Variants in ACOXL observed in about 807,000 individuals in gnomAD.
ACOXL encodes acyl-CoA oxidase like, also known as acyl-coenzyme A oxidase-like protein.
A neutral mutation model predicts 71.9 loss-of-function variants in ACOXL; 70 were observed. That is an observed-to-expected ratio of 0.97 (90% CI 0.80 to 1.19). ACOXL has a LOEUF of 1.19. Ranked by LOEUF, ACOXL falls within the 50% of genes most tolerant of loss-of-function variation. The pLI is 0.00. For missense variants in ACOXL, 703 were observed against 736.3 expected (o/e 0.95, Z 0.52); for synonymous variants, 253 against 281.6 (o/e 0.90, Z 1.02).
intron 8 of ACOXL, among the ~76,000 whole-genome samples, chr2:110,803,684 T>C (rs1250436256): frequency 6.6e-6 from 1 of 152,202 alleles, no homozygotes; most frequent in African/African-American, 2.4e-5. Flanking sequence ...TCATCGAAGT[T>C]ATAAAAAACT....
At chr2:110,906,303 C>T (rs1021388904) in intron 10 of ACOXL, among the ~76,000 whole-genome samples, 3 of 151,824 alleles carry the variant, frequency 2.0e-5, no homozygotes, top group Non-Finnish European at 2.9e-5. Flanking sequence ...GTTGGGAGGC[C>T]GAGGCGGGTG....
intron 17 of ACOXL, among the ~76,000 whole-genome samples, chr2:111,109,637 C>A: frequency 6.7e-6 from 1 of 148,722 alleles, no homozygotes. Context: ...GAAAATATCC[C>A]ATATTAATCT....
chr2:110,911,669 A>G (rs2059655897), intron 11 of ACOXL, among the ~76,000 whole-genome samples: 1 of 152,092 alleles, frequency 6.6e-6, no homozygotes, highest in Admixed American at 6.5e-5. Flanking sequence ...GTACCTTTTC[A>G]TGATAAAAAC....
At chr2:110,754,337 G>C (rs1679395015) in intron 1 of ACOXL, among the ~76,000 whole-genome samples, 2 of 152,038 alleles carry the variant, frequency 1.3e-5, no homozygotes, top group African/African-American at 4.8e-5. Flanking sequence ...CTCTCAAAGT[G>C]CTGAGATTAC....
intron 14 of ACOXL, among the ~76,000 whole-genome samples, chr2:111,011,298 G>A (rs148910743): frequency 6.6e-6 from 1 of 152,190 alleles, no homozygotes; most frequent in East Asian, 1.9e-4. Context: ...AGACAAAAAG[G>A]AAAACCCTTA....
chr2:110,847,066 G>A (rs1399814262), intron 10 of ACOXL, among the ~76,000 whole-genome samples: 1 of 151,938 alleles, frequency 6.6e-6, no homozygotes, highest in Admixed American at 6.6e-5. Flanking sequence ...TGAGGTTTTT[G>A]GGTGGAATCC....
intron 9 of ACOXL, among the ~76,000 whole-genome samples, chr2:110,840,978 C>G (rs1457551780): frequency 6.6e-6 from 1 of 152,122 alleles, no homozygotes; most frequent in East Asian, 1.9e-4. Flanking sequence ...TGGGCGTGTT[C>G]TCCTAATGCC....
intron 16 of ACOXL, among the ~76,000 whole-genome samples, chr2:111,066,933 A>G (rs2149907435): frequency 6.6e-6 from 1 of 152,356 alleles, no homozygotes; most frequent in East Asian, 1.9e-4. Flanking sequence ...CAGAAACTGC[A>G]TAGTTCTATG....
chr2:111,030,039 T>C (rs546353651), intron 14 of ACOXL, among the ~76,000 whole-genome samples: 3 of 152,140 alleles, frequency 2.0e-5, no homozygotes, highest in East Asian at 1.9e-4. Flanking sequence ...ACTCTACACA[T>C]TGAGTTTAAA....
chr2:110,860,903 C>G (rs765137994), intron 10 of ACOXL, among the ~76,000 whole-genome samples: 8 of 152,200 alleles, frequency 5.3e-5, no homozygotes, highest in Non-Finnish European at 7.3e-5. Flanking sequence ...TCTCACAGAT[C>G]GGAGTCCTGC....
At chr2:110,787,444 G>A (rs1371222893) in intron 3 of ACOXL, among the ~76,000 whole-genome samples, 1 of 148,532 alleles carries the variant, frequency 6.7e-6, no homozygotes, top group Non-Finnish European at 1.5e-5. Context: ...TGAGGCAGGA[G>A]AATGGCGTGG....
chr2:111,112,265 A>G (rs2070033964), intron 17 of ACOXL, among the ~76,000 whole-genome samples: 1 of 152,240 alleles, frequency 6.6e-6, no homozygotes, highest in Non-Finnish European at 1.5e-5. Flanking sequence ...ATGAGAATGT[A>G]TGTGTTCCTG....
intron 11 of ACOXL, among the ~76,000 whole-genome samples, chr2:110,920,364 T>C (rs1396431565): frequency 2.0e-5 from 3 of 152,226 alleles, no homozygotes; most frequent in East Asian, 1.9e-4. Flanking sequence ...TTATTTGCCA[T>C]CTGTGTATCT....
intron 17 of ACOXL, among the ~76,000 whole-genome samples, chr2:111,109,671 ATTTTTTTTTTT>A (rs869081161): frequency 2.4e-4 from 18 of 75,644 alleles, no homozygotes; most frequent in African/African-American, 9.8e-4. Context: ...TTCTCCTTCT[ATTTTTTTTTTT>A]TTTTTTTTTT....
chr2:111,018,004 G>A (rs1158391706), intron 14 of ACOXL: 1 of 152,174 alleles, frequency 6.6e-6, no homozygotes, highest in Admixed American at 6.5e-5. Context: ...AAGTCCCTTA[G>A]TTACGGTAAA....
At chr2:110,851,869 G>C (rs1370097287) in intron 10 of ACOXL, among the ~76,000 whole-genome samples, 2 of 152,256 alleles carry the variant, frequency 1.3e-5, no homozygotes, top group African/African-American at 4.8e-5. Context: ...TCACCAGTGA[G>C]AAAGGCGCTC....
At chr2:110,921,965 AAT>A (rs1450972167) in intron 11 of ACOXL, among the ~76,000 whole-genome samples, 1 of 152,200 alleles carries the variant, frequency 6.6e-6, no homozygotes, top group African/African-American at 2.4e-5. Flanking sequence ...GCTCAGTAAA[AAT>A]AGTGTTCTAT....
At chr2:110,925,976 G>A (rs1434638858) in intron 11 of ACOXL, among the ~76,000 whole-genome samples, 3 of 149,260 alleles carry the variant, frequency 2.0e-5, no homozygotes, top group East Asian at 2.0e-4. Flanking sequence ...CAGCATAGTT[G>A]TGTCTCAGGG....
At chr2:110,956,690 A>G (rs1032444679) in intron 12 of ACOXL, among the ~76,000 whole-genome samples, 2 of 152,184 alleles carry the variant, frequency 1.3e-5, no homozygotes, top group African/African-American at 4.8e-5. Flanking sequence ...CCTCTAACAC[A>G]TAAGATAAGA....
Sources: gnomAD v4.1 joint callset for allele counts (sites outside exome capture counted in the v4.1 genomes callset) on GRCh38, gnomAD v4.1.1 for gene constraint, MANE v1.5 for transcripts, NCBI Gene and HGNC (gene_info 2026-07-23, HGNC 2026-07-21) for gene names.